RAP1GDS1: variants seen among roughly 807,000 people sequenced by gnomAD.
The protein encoded by RAP1GDS1 is RAP1, GTP-GDP dissociation stimulator 1.
Under a neutral mutation model 71.1 loss-of-function variants are expected in RAP1GDS1, and 35 were observed. That is an observed-to-expected ratio of 0.49 (90% CI 0.38 to 0.65). The LOEUF (loss-of-function observed/expected upper bound fraction) is 0.65. Among genes scored for constraint, RAP1GDS1 ranks in the 30% least tolerant of loss-of-function variants. The probability of loss-of-function intolerance (pLI) is 0.00; values close to 1 mark genes in which losing one functional copy is unlikely to be tolerated. For synonymous variants in RAP1GDS1, 229 were observed against 243.1 expected, an observed-to-expected ratio of 0.94 and a Z score of 0.54; for missense variants, 663 against 706.1, an observed-to-expected ratio of 0.94 and a Z score of 0.69.
Position 98,308,456 on chromosome 4 carries a change from C to T in RAP1GDS1, c.112+14941C>T, listed in dbSNP as rs1729718128. Among the ~76,000 whole-genome samples the T allele has an allele frequency of 2.0e-5, 3 of 150,564 alleles. No homozygotes were observed. The South Asian group carries it at 6.3e-4, about 32-fold the overall frequency. ...CTGCACTCTAGCCTACGTGACAGAA[C>T]AAGACCCTGTCTCAGAAAGAAAGGA... On this transcript the variant is annotated intron_variant, in intron 2 of 14. Transcript: ENST00000408927.
At chr4:98,354,500 T>C (rs955023755) in intron 4 of RAP1GDS1, among the ~76,000 whole-genome samples, 19 of 152,206 alleles carry the variant, frequency 1.2e-4, no homozygotes, top group Non-Finnish European at 2.4e-4. Flanking sequence ...CACAGTGATA[T>C]TTTGTCTCAT....
chr4:98,279,457 T>G (rs1187258118), intron 1 of RAP1GDS1, among the ~76,000 whole-genome samples: 1 of 151,806 alleles, frequency 6.6e-6, no homozygotes, highest in Non-Finnish European at 1.5e-5. Flanking sequence ...TAGTAAATGA[T>G]TGTTGGAATT....
At chr4:98,264,268 C>A (rs1426984028) in intron 1 of RAP1GDS1, among the ~76,000 whole-genome samples, 1 of 151,960 alleles carries the variant, frequency 6.6e-6, no homozygotes, top group Non-Finnish European at 1.5e-5. Flanking sequence ...TGGTGGCGGG[C>A]GCCTGTAATC....
chr4:98,280,992 A>AGTACCG (rs1724997130), intron 1 of RAP1GDS1, among the ~76,000 whole-genome samples: 1 of 152,204 alleles, frequency 6.6e-6, no homozygotes, highest in Admixed American at 6.5e-5. Flanking sequence ...TACCAGTACC[A>AGTACCG]TGCTGTTTTG....
chr4:98,351,756 A>C (rs190933098), intron 3 of RAP1GDS1, among the ~76,000 whole-genome samples: 1 of 152,116 alleles, frequency 6.6e-6, no homozygotes, highest in East Asian at 1.9e-4. Flanking sequence ...TGGTGAGTTA[A>C]TACATAAAGA....
intron 3 of RAP1GDS1, among the ~76,000 whole-genome samples, chr4:98,343,956 T>G (rs2110399451): frequency 6.6e-6 from 1 of 152,334 alleles, no homozygotes; most frequent in Non-Finnish European, 1.5e-5. Flanking sequence ...TTGCCTCAGT[T>G]TGTCAGTTTT....
chr4:98,313,055 C>T (rs1050191035), intron 2 of RAP1GDS1, among the ~76,000 whole-genome samples: 3 of 98,544 alleles, frequency 3.0e-5, no homozygotes, highest in African/African-American at 1.2e-4. Flanking sequence ...GGTGACAGAG[C>T]AAGACTCTGT....
rs140125593 is a variant in RAP1GDS1 at position 98,366,969 on chromosome 4, T to A, written c.362-12048T>A. 7.2e-5 allele frequency among the ~76,000 whole-genome samples: 11 copies of A among 152,298 alleles called. No homozygotes were observed. In the East Asian group the frequency reaches 2.1e-3, roughly 29 times the overall value. Reference sequence around the variant, plus strand: ...TTTTTCTGAGGAGAATTTCAAGCCATCTGCAGAAATCTGCGTAAGGAGGAA... The same window carrying A: ...TTTTTCTGAGGAGAATTTCAAGCCAACTGCAGAAATCTGCGTAAGGAGGAA... On this transcript the variant is annotated intron_variant, in intron 4 of 14. Coordinates refer to ENST00000408927, the MANE Select transcript of RAP1GDS1 (RefSeq NM_001100427.2).
At chr4:98,417,308 G>T in intron 8 of RAP1GDS1, 59 bp from the exon 9 acceptor site, 1 of 1,526,182 alleles carries the variant, frequency 6.6e-7, no homozygotes, top group South Asian at 1.2e-5. Flanking sequence ...CTAAGAATGT[G>T]AATTTGTTAC....
intron 11 of RAP1GDS1, among the ~76,000 whole-genome samples, chr4:98,420,640 G>A (rs186293833): frequency 4.2e-4 from 64 of 152,262 alleles, no homozygotes; most frequent in African/African-American, 1.4e-3. Flanking sequence ...GGGATTACAG[G>A]TGTGAGCCAC....
Position 98,443,236 on chromosome 4 carries a change from T to TA in RAP1GDS1, c.*1120dup. The TA allele has an allele frequency of 4.3e-6, 1 of 232,602 alleles. No individual in the cohort carries two copies. Among genetic ancestry groups the TA allele is most frequent in the East Asian group, 6.1e-5 (1 of 16,500 alleles). 14.4% of individuals were successfully genotyped at this position (232,602 alleles called of 1,614,324 possible). A position where few individuals can be genotyped will look rare whatever the true frequency, so the allele number is the denominator to read the frequency against. On this transcript the variant is annotated 3_prime_UTR_variant, in exon 15 of 15. Transcript: ENST00000408927. ...CAGATGGCCCCATACCAATCGCTGT[T>TA]AGAGTTTGCCACCTCCACTTTCCCA...
intron 14 of RAP1GDS1, among the ~76,000 whole-genome samples, chr4:98,439,349 T>G (rs1027949402): frequency 1.3e-5 from 2 of 152,252 alleles, no homozygotes; most frequent in African/African-American, 4.8e-5. Flanking sequence ...CAAGACTTTC[T>G]TTGCGTTTAG....
At chr4:98,278,714 T>C (rs890376949) in intron 1 of RAP1GDS1, among the ~76,000 whole-genome samples, 5 of 152,236 alleles carry the variant, frequency 3.3e-5, no homozygotes, top group Middle Eastern at 3.4e-3. Flanking sequence ...AACCACAGAA[T>C]AGATTCCAAA....
chr4:98,305,441 G>A (rs1729177083), intron 2 of RAP1GDS1, among the ~76,000 whole-genome samples: 1 of 151,992 alleles, frequency 6.6e-6, no homozygotes, highest in South Asian at 2.1e-4. Context: ...CTGTATATAG[G>A]GTCTAAAATA....
intron 2 of RAP1GDS1, among the ~76,000 whole-genome samples, chr4:98,326,642 C>T (rs764633363): frequency 1.5e-4 from 23 of 152,068 alleles, no homozygotes; most frequent in Non-Finnish European, 2.9e-4. Context: ...TAAATTCTTT[C>T]CCTCCTCAGC....
At chr4:98,304,668 C>A (rs1729066571) in intron 2 of RAP1GDS1, among the ~76,000 whole-genome samples, 1 of 152,146 alleles carries the variant, frequency 6.6e-6, no homozygotes, top group African/African-American at 2.4e-5. Flanking sequence ...ATGGTAGTTT[C>A]TTTTGCTGCG....
Position 98,261,511 on chromosome 4 carries a change from C to G in RAP1GDS1, c.-55C>G, listed in dbSNP as rs919425902. 1 of 1,572,488 alleles carries G rather than the reference C, an allele frequency of 6.4e-7. No individual in the cohort carries two copies. Among genetic ancestry groups the G allele is most frequent in the Admixed American group, 1.8e-5 (1 of 56,918 alleles). On this transcript the variant is annotated 5_prime_UTR_variant, in exon 1 of 15. Transcript: ENST00000408927. ...AGAGGGAGGACACAGAGCCGCGCCG[C>G]CCGCACCACAGACCTTCGCCTCGCC...
At chr4:98,365,391 G>C (rs1260586083) in intron 4 of RAP1GDS1, among the ~76,000 whole-genome samples, 2 of 152,128 alleles carry the variant, frequency 1.3e-5, no homozygotes, top group Admixed American at 1.3e-4. Flanking sequence ...GAGGTGAGCA[G>C]ATCCTTTGAG....
chr4:98,437,739 A>G (rs1751337644), intron 14 of RAP1GDS1, among the ~76,000 whole-genome samples: 1 of 151,558 alleles, frequency 6.6e-6, no homozygotes, highest in African/African-American at 2.4e-5. Context: ...GTTGTAGCTG[A>G]GAGATTGTGC....
Sources: gnomAD v4.1 joint callset for allele counts (sites outside exome capture counted in the v4.1 genomes callset) on GRCh38, gnomAD v4.1.1 for gene constraint, MANE v1.5 for transcripts, NCBI Gene and HGNC (gene_info 2026-07-23, HGNC 2026-07-21) for gene names.